Variants in CCDC39 observed in about 807,000 individuals in gnomAD.
The protein encoded by CCDC39 is coiled-coil domain-containing protein 39.
A neutral mutation model predicts 121.0 loss-of-function variants in CCDC39; 113 were observed. That is an observed-to-expected ratio of 0.93 (90% CI 0.80 to 1.09). CCDC39 has a LOEUF of 1.09. Among genes scored for constraint, CCDC39 ranks in the 50% least tolerant of loss-of-function variants. The pLI is 0.00. For missense variants in CCDC39, 1,063 were observed against 1,074.7 expected (o/e 0.99, Z 0.15); for synonymous variants, 349 against 352.2 (o/e 0.99, Z 0.10).
intron 1 of CCDC39, among the ~76,000 whole-genome samples, chr3:180,666,783 T>C (rs1032740865): frequency 1.3e-5 from 2 of 152,160 alleles, no homozygotes; most frequent in African/African-American, 4.8e-5. Context: ...ACTTACATCA[T>C]GTGCAGGATG....
chr3:180,636,184 T>C (rs574549721), intron 13 of CCDC39, among the ~76,000 whole-genome samples: 2 of 152,322 alleles, frequency 1.3e-5, no homozygotes, highest in South Asian at 4.1e-4. Flanking sequence ...GCAGATGATA[T>C]GATTCTATAT....
At position 180,661,887 on chromosome 3, in the gene CCDC39, T is replaced by C. The variant is rs368618125; in HGVS notation, c.331A>G (p.Ile111Val). Reference protein sequence around the residue: ...IQRLENEMASILEKKSDKENG... With the variant: ...IQRLENEMASVLEKKSDKENG... Reference sequence around the variant, plus strand: ...TCTTTATCACTTTTCTTTTCCAGTATTGAAGCCATCTCATTTTCCAGCCGT... The same window carrying C: ...TCTTTATCACTTTTCTTTTCCAGTACTGAAGCCATCTCATTTTCCAGCCGT... The change falls in exon 3 of 20, where the codon ATA becomes GTA. Residue 111 changes from isoleucine to valine, a missense_variant. Coordinates refer to ENST00000476379, the MANE Select transcript of CCDC39 (RefSeq NM_181426.2). 1.4e-5 allele frequency: 23 copies of C among 1,587,402 alleles called. No homozygotes were observed. The highest frequency in any genetic ancestry group is 5.4e-5 in the African/African-American group (4 of 74,628).
rs1380987538 is a variant in CCDC39 at position 180,644,136 on chromosome 3, G to A, written c.1649C>T (p.Ala550Val). The A allele has an allele frequency of 2.6e-6, 4 of 1,543,966 alleles. No individual in the cohort carries two copies. Among genetic ancestry groups the A allele is most frequent in the Non-Finnish European group, 3.5e-6 (4 of 1,144,030 alleles). Residue 550 changes from alanine to valine, a missense_variant, in exon 12 of 20, where the codon GCC becomes GTC. Ala to Val is a moderately conservative substitution (Grantham distance 64). Transcript: ENST00000476379. Reference sequence around the variant, plus strand: ...TTACTGCACCTGCTTAAAACCTTTGGCTTTATCAAGTTCTTTCTCTGATCT... The same window carrying A: ...TTACTGCACCTGCTTAAAACCTTTGACTTTATCAAGTTCTTTCTCTGATCT... ...IDRSEKELDK[A>V]KGFKQDLMIE...
At chr3:180,647,828 C>G (rs1273600814) in intron 10 of CCDC39, among the ~76,000 whole-genome samples, 1 of 151,312 alleles carries the variant, frequency 6.6e-6, no homozygotes, top group Non-Finnish European at 1.5e-5. Context: ...GGTGGGGGTG[C>G]CTAACTAAGA....
intron 1 of CCDC39, among the ~76,000 whole-genome samples, chr3:180,665,759 T>G (rs1711858002): frequency 6.6e-6 from 1 of 151,788 alleles, no homozygotes; most frequent in South Asian, 2.1e-4. Context: ...TTCAATTTCT[T>G]TTTCATATAA....
intron 1 of CCDC39, among the ~76,000 whole-genome samples, chr3:180,664,698 C>CTT (rs535953318): frequency 3.6e-5 from 5 of 137,360 alleles, no homozygotes; most frequent in African/African-American, 1.1e-4. Flanking sequence ...CACAAGAGAT[C>CTT]TTTTTTTTTT....
At chr3:180,638,537 C>T (rs1178112688) in intron 13 of CCDC39, among the ~76,000 whole-genome samples, 1 of 151,928 alleles carries the variant, frequency 6.6e-6, no homozygotes, top group African/African-American at 2.4e-5. Flanking sequence ...TTATTGCTGA[C>T]ATTTGGATCC....
chr3:180,626,015 G>GT (rs1164663291), intron 14 of CCDC39, among the ~76,000 whole-genome samples: 1 of 152,036 alleles, frequency 6.6e-6, no homozygotes, highest in Non-Finnish European at 1.5e-5. Flanking sequence ...ATGCAGGCGG[G>GT]TTTTCAGGCC....
Position 180,679,479 on chromosome 3 carries a change from C to T in CCDC39, c.-99G>A. The T allele has an allele frequency of 9.0e-7, 1 of 1,114,788 alleles. No homozygotes were observed. The highest frequency in any genetic ancestry group is 1.2e-5 in the South Asian group (1 of 81,234). The allele number at this position is 1,114,788 out of a possible 1,614,324, so 69.1% of individuals were successfully genotyped here. A position where few individuals can be genotyped will look rare whatever the true frequency, so the allele number is the denominator to read the frequency against. ...AAGCCCAGGCACCTGCACAGTGCCG[C>T]GGCAATTGCCGGGGGAGCCCTAGCA... On this transcript the variant is annotated 5_prime_UTR_variant, in exon 1 of 20. Coordinates refer to ENST00000476379, the MANE Select transcript of CCDC39 (RefSeq NM_181426.2). The surrounding 1 kb of genome is among the most constrained non-coding windows in gnomAD (Gnocchi z 4.0).
intron 9 of CCDC39, among the ~76,000 whole-genome samples, chr3:180,650,747 C>T (rs1718181867): frequency 1.3e-5 from 2 of 151,514 alleles, no homozygotes; most frequent in African/African-American, 4.9e-5. Context: ...ATCCCAGCTA[C>T]TCAGAAGGCT....
chr3:180,654,733 A>G (rs1470356683), intron 7 of CCDC39, 29 bp downstream of exon 7: 3 of 1,527,584 alleles, frequency 2.0e-6, no homozygotes, highest in Non-Finnish European at 9.0e-7. Flanking sequence ...TCGTGAACAT[A>G]CAAGCCAGTC....
rs147383873 is a variant in CCDC39 at position 180,648,329 on chromosome 3, C to A, written c.1198G>T (p.Gly400Cys). 6.3e-4 allele frequency: 998 copies of A among 1,589,502 alleles called. 3 individuals carry two copies. The African/African-American group carries it at 7.8e-3, about 12-fold the overall frequency. ...EVDVQLNLIK[G>C]VLFKKAQELQ... ...TCCTGAGCTTTCTTAAACAGCACAC[C>A]TTTTATGAGGTTCAGTTGAACATCT... Residue 400 changes from glycine (G) to cysteine (C), a missense_variant, in exon 10 of 20, where the codon GGT (glycine) becomes TGT (cysteine). Gly to Cys is a radical substitution (Grantham distance 159). Coordinates refer to ENST00000476379, the MANE Select transcript of CCDC39 (RefSeq NM_181426.2).
intron 14 of CCDC39, among the ~76,000 whole-genome samples, chr3:180,622,415 C>G (rs867880329): frequency 6.6e-6 from 1 of 151,898 alleles, no homozygotes; most frequent in African/African-American, 2.4e-5. Context: ...TTTCTCTTGC[C>G]TGATTGCTGT....
At chr3:180,625,340 C>G (rs1717532442) in intron 14 of CCDC39, among the ~76,000 whole-genome samples, 1 of 139,870 alleles carries the variant, frequency 7.1e-6, no homozygotes, top group Non-Finnish European at 1.6e-5. Flanking sequence ...CTTGTGTAGT[C>G]TATTTTTCTT....
chr3:180,670,504 A>G (rs1712009856), intron 1 of CCDC39, among the ~76,000 whole-genome samples: 1 of 152,188 alleles, frequency 6.6e-6, no homozygotes, highest in South Asian at 2.1e-4. Context: ...CAATACTTTA[A>G]GAAGCTTTGA....
At chr3:180,623,323 T>C (rs1405077760) in intron 14 of CCDC39, among the ~76,000 whole-genome samples, 2 of 151,906 alleles carry the variant, frequency 1.3e-5, no homozygotes, top group Non-Finnish European at 2.9e-5. Flanking sequence ...CTTTTTGTTT[T>C]CCGATTTTGT....
At chr3:180,647,806 C>T (rs1217880009) in intron 10 of CCDC39, among the ~76,000 whole-genome samples, 2 of 151,230 alleles carry the variant, frequency 1.3e-5, no homozygotes, top group Non-Finnish European at 2.9e-5. Flanking sequence ...ACTCTATTAG[C>T]ATGGGGGTGA....
intron 14 of CCDC39, among the ~76,000 whole-genome samples, chr3:180,629,829 T>G (rs369621737): frequency 4.6e-5 from 7 of 152,314 alleles, no homozygotes; most frequent in African/African-American, 1.7e-4. Flanking sequence ...ATAATCATTA[T>G]TCTGATATTT....
Position 180,661,848 on chromosome 3 carries a change from T to A in CCDC39, c.357+13A>T. On this transcript the variant is annotated intron_variant, in intron 3 of 19. Transcript: ENST00000476379. Reference sequence around the variant, plus strand: ...CAGTAGCACAGAATTTTAAGTAATATTTCAACATATACTTCTTTATCACTT... The same window carrying A: ...CAGTAGCACAGAATTTTAAGTAATAATTCAACATATACTTCTTTATCACTT... 1.3e-6 allele frequency: 2 copies of A among 1,567,500 alleles called. No individual in the cohort carries two copies. Among genetic ancestry groups the A allele is most frequent in the Non-Finnish European group, 1.7e-6 (2 of 1,154,096 alleles).
Sources: allele counts gnomAD v4.1 joint callset (sites outside exome capture counted in the v4.1 genomes callset), GRCh38; gene constraint gnomAD v4.1.1; non-coding constraint Gnocchi (gnomAD v3.1); transcripts MANE v1.5; gene names NCBI Gene and HGNC (gene_info 2026-07-23, HGNC 2026-07-21).